The following GRID2 variants were observed in gnomAD, a reference collection of about 807,000 sequenced individuals.
GRID2 encodes the protein glutamate receptor ionotropic, delta-2.
Under a neutral mutation model 114.8 loss-of-function variants are expected in GRID2, and 33 were observed. The ratio of observed to expected loss-of-function variants is 0.29; its 90% confidence interval spans 0.22 to 0.38. The LOEUF (loss-of-function observed/expected upper bound fraction) is 0.38, where lower values mean the gene tolerates loss of function less well. Ranked by LOEUF, GRID2 falls within the 10% of genes least tolerant of loss-of-function variation. The pLI is 1.00. For synonymous variants in GRID2, 505 were observed against 449.9 expected (o/e 1.12, Z -1.55); for missense variants, 1,184 against 1,257.7 (o/e 0.94, Z 0.89).
At chr4:93,347,301 A>C (rs1339506746) in intron 8 of GRID2, among the ~76,000 whole-genome samples, 1 of 152,160 alleles carries the variant, frequency 6.6e-6, no homozygotes, top group African/African-American at 2.4e-5. Flanking sequence ...GGTGTTTGGC[A>C]ATCAACCACC....
intron 8 of GRID2, among the ~76,000 whole-genome samples, chr4:93,346,121 G>A (rs1026733968): frequency 8.6e-5 from 13 of 151,958 alleles, no homozygotes; most frequent in Admixed American, 5.9e-4. Flanking sequence ...TTGACTATTT[G>A]GGTATTTTAG....
chr4:92,939,416 G>GT (rs1162283091), intron 2 of GRID2, among the ~76,000 whole-genome samples: 9 of 146,772 alleles, frequency 6.1e-5, no homozygotes, highest in South Asian at 2.3e-4. Flanking sequence ...GGGGTTGTTT[G>GT]TTTTTTTCTT....
At chr4:93,719,062 G>A (rs1729141509) in intron 14 of GRID2, among the ~76,000 whole-genome samples, 1 of 151,578 alleles carries the variant, frequency 6.6e-6, no homozygotes, top group Non-Finnish European at 1.5e-5. Flanking sequence ...AAATATAAAT[G>A]TTATATATAT....
intron 8 of GRID2, among the ~76,000 whole-genome samples, chr4:93,249,665 C>A (rs748402564): frequency 1.3e-5 from 2 of 151,708 alleles, no homozygotes; most frequent in Non-Finnish European, 2.9e-5. Flanking sequence ...AATAAACAAC[C>A]CCATCAAAAA....
chr4:93,759,924 G>C (rs1466128978), intron 14 of GRID2, among the ~76,000 whole-genome samples: 1 of 152,124 alleles, frequency 6.6e-6, no homozygotes, highest in African/African-American at 2.4e-5. Flanking sequence ...AGATAATAAA[G>C]ATCTTGATGG....
intron 2 of GRID2, among the ~76,000 whole-genome samples, chr4:92,875,196 C>T (rs950974450): frequency 2.3e-4 from 28 of 124,272 alleles, no homozygotes; most frequent in African/African-American, 7.6e-4. Context: ...GAGTCTCACA[C>T]TGTTGCCCGG....
At position 92,895,590 on chromosome 4, in the gene GRID2, T is replaced by C. The variant is rs192959747; in HGVS notation, c.245-189405T>C. The stretch of plus-strand genomic sequence containing the variant: ...TCTTCACAATTTGAGTTACCAGTAA[T>C]AAAACAAGCTGTCTTCTGTGCTTAA... On this transcript the variant is annotated intron_variant, in intron 2 of 15. Transcript: ENST00000282020. 6.3e-3 allele frequency among the ~76,000 whole-genome samples: 955 copies of C among 151,872 alleles called. 7 individuals carry two copies. The highest frequency in any genetic ancestry group is 0.011 in the Non-Finnish European group (773 of 67,908).
intron 1 of GRID2, among the ~76,000 whole-genome samples, chr4:92,323,777 G>T (rs1038424212): frequency 6.6e-6 from 1 of 151,926 alleles, no homozygotes; most frequent in African/African-American, 2.4e-5. Flanking sequence ...ATGATCATAG[G>T]CTCATTCATG....
chr4:93,395,843 T>C (rs1765280156), intron 9 of GRID2, 135 bp downstream of exon 9: 2 of 496,200 alleles, frequency 4.0e-6, no homozygotes, highest in African/African-American at 2.0e-5. Flanking sequence ...GATTTTTTAA[T>C]GGTCATATTT....
intron 1 of GRID2, among the ~76,000 whole-genome samples, chr4:92,502,705 CTTTTTTTTTTTT>C (rs70940901): frequency 5.5e-4 from 35 of 63,940 alleles, no homozygotes; most frequent in Admixed American, 2.1e-3. Context: ...CATGTGATTT[CTTTTTTTTTTTT>C]TTTTTTTTTT....
Position 92,885,091 on chromosome 4 carries a change from TAAAA to T in GRID2, c.245-199900_245-199897del, listed in dbSNP as rs555021796. Reference sequence around the variant, plus strand: ...AACCATCAAAATAAATTTATTGAAATAAAAAAACTGTTAAAATTTAAGTAAGTTA... The same window carrying T: ...AACCATCAAAATAAATTTATTGAAATAAACTGTTAAAATTTAAGTAAGTTA... On this transcript the variant is annotated intron_variant, in intron 2 of 15. Coordinates refer to ENST00000282020, the MANE Select transcript of GRID2 (RefSeq NM_001510.4). 5.0e-5 allele frequency: 16 copies of T among 320,010 alleles called. No homozygotes were observed. In the East Asian group the frequency reaches 1.3e-3, roughly 25 times the overall value. The allele number at this position is 320,010 out of a possible 1,614,324, so 19.8% of individuals were successfully genotyped here.
Position 92,727,138 on chromosome 4 carries a change from A to G in GRID2, c.244+136852A>G, listed in dbSNP as rs6843459. On this transcript the variant is annotated intron_variant, in intron 2 of 15. Coordinates refer to ENST00000282020, the MANE Select transcript of GRID2 (RefSeq NM_001510.4). ...TAAAGCTTATTCCCTATGTATTTGT[A>G]TATACAGACATTCAGTCAACTAATG... is the stretch of plus-strand genomic sequence containing the variant. Among the ~76,000 whole-genome samples the G allele has an allele frequency of 6.1e-3, 928 of 152,140 alleles. 4 individuals are homozygous for G. The highest frequency in any genetic ancestry group is 0.01 in the Non-Finnish European group (697 of 67,954).
At chr4:92,927,790 G>A (rs928417236) in intron 2 of GRID2, among the ~76,000 whole-genome samples, 1 of 151,742 alleles carries the variant, frequency 6.6e-6, no homozygotes, top group Admixed American at 6.6e-5. Context: ...TTTTTGTGAA[G>A]TAATATTTAT....
chr4:92,711,244 C>T (rs569106424), intron 2 of GRID2, among the ~76,000 whole-genome samples: 1 of 152,190 alleles, frequency 6.6e-6, no homozygotes, highest in South Asian at 2.1e-4. Flanking sequence ...TTCCTTACTG[C>T]TTATTAAAGT....
intron 2 of GRID2, among the ~76,000 whole-genome samples, chr4:92,766,151 A>G (rs1253988150): frequency 1.3e-5 from 2 of 152,172 alleles, no homozygotes; most frequent in Non-Finnish European, 2.9e-5. Context: ...CAAAGCTACT[A>G]TAAGTTAAAA....
At chr4:93,101,789 T>G (rs1731730836) in intron 3 of GRID2, among the ~76,000 whole-genome samples, 1 of 152,114 alleles carries the variant, frequency 6.6e-6, no homozygotes, top group Non-Finnish European at 1.5e-5. Context: ...CTGGCCTAAA[T>G]AAGTAACACA....
intron 10 of GRID2, among the ~76,000 whole-genome samples, chr4:93,438,155 G>A (rs1317133691): frequency 1.3e-5 from 2 of 152,072 alleles, no homozygotes; most frequent in African/African-American, 4.8e-5. Flanking sequence ...TGGCATCATA[G>A]ATACAAAGGA....
At chr4:92,394,617 C>T (rs1730406043) in intron 1 of GRID2, among the ~76,000 whole-genome samples, 1 of 151,740 alleles carries the variant, frequency 6.6e-6, no homozygotes, top group Non-Finnish European at 1.5e-5. Flanking sequence ...ATAGACAAAG[C>T]CCAATTAAAC....
intron 1 of GRID2, among the ~76,000 whole-genome samples, chr4:93,794,133 T>C (rs1734750041): frequency 6.6e-6 from 1 of 152,198 alleles, no homozygotes; most frequent in Non-Finnish European, 1.5e-5. Flanking sequence ...CTTCAAACTA[T>C]AAAATCAAAC....
Sources: allele counts gnomAD v4.1 joint callset (sites outside exome capture counted in the v4.1 genomes callset), GRCh38; gene constraint gnomAD v4.1.1; transcripts MANE v1.5; gene names NCBI Gene and HGNC (gene_info 2026-07-23, HGNC 2026-07-21).